PHLDB2: variants seen among roughly 807,000 people sequenced by gnomAD.
PHLDB2 encodes the protein pleckstrin homology like domain family B member 2.
PHLDB2 carries 71 observed loss-of-function variants against 123.6 expected under a neutral mutation model. That is an observed-to-expected ratio of 0.57 (90% CI 0.47 to 0.70). The LOEUF (loss-of-function observed/expected upper bound fraction) is 0.70. PHLDB2 is among the 30% of genes least tolerant of loss of function. PHLDB2 has a pLI of 0.00. For synonymous variants in PHLDB2, 547 were observed against 541.6 expected, an observed-to-expected ratio of 1.01 and a Z score of -0.14; for missense variants, 1,446 against 1,519.5, an observed-to-expected ratio of 0.95 and a Z score of 0.80.
chr3:111,736,936 C>T (rs939087779), intron 1 of PHLDB2, among the ~76,000 whole-genome samples: 1 of 152,152 alleles, frequency 6.6e-6, no homozygotes, highest in Admixed American at 6.5e-5. Flanking sequence ...GCCTAGAGAA[C>T]GGTATACATG....
chr3:111,766,721 T>C (rs1006600293), intron 1 of PHLDB2, among the ~76,000 whole-genome samples: 1 of 152,124 alleles, frequency 6.6e-6, no homozygotes, highest in Non-Finnish European at 1.5e-5. Context: ...GAGGCACTGA[T>C]ATCCTTGTCT....
intron 1 of PHLDB2, among the ~76,000 whole-genome samples, chr3:111,807,954 T>G (rs1024276609): frequency 4.6e-5 from 7 of 151,388 alleles, no homozygotes; most frequent in East Asian, 1.9e-4. Flanking sequence ...GTGTTTTTTT[T>G]TTTTTTTTTT....
upstream of PHLDB2, among the ~76,000 whole-genome samples, chr3:111,855,994 G>A (rs1471738322): frequency 6.6e-6 from 1 of 152,046 alleles, no homozygotes; most frequent in East Asian, 1.9e-4. Flanking sequence ...GGCTGCTATG[G>A]CCTTATGAAA....
At chr3:111,768,981 G>T (rs1256436816) in intron 1 of PHLDB2, among the ~76,000 whole-genome samples, 1 of 152,164 alleles carries the variant, frequency 6.6e-6, no homozygotes, top group Non-Finnish European at 1.5e-5. Flanking sequence ...TTAATTATGG[G>T]CCAATGAAAA....
At chr3:111,779,763 TG>T in intron 1 of PHLDB2, 1 of 735,458 alleles carries the variant, frequency 1.4e-6, no homozygotes, top group South Asian at 6.2e-5. Context: ...TATGTTCTTG[TG>T]GCAGAATGCA....
chr3:111,807,486 G>GT (rs2061642907), intron 1 of PHLDB2, among the ~76,000 whole-genome samples: 1 of 152,208 alleles, frequency 6.6e-6, no homozygotes, highest in South Asian at 2.1e-4. Context: ...GGGAAGCCAA[G>GT]TTGGGAGGAT....
intron 1 of PHLDB2, among the ~76,000 whole-genome samples, chr3:111,842,940 T>C (rs1162184525): frequency 6.6e-6 from 1 of 152,256 alleles, no homozygotes; most frequent in African/African-American, 2.4e-5. Flanking sequence ...AGTACTTTAT[T>C]CCTTTGTATT....
intron 1 of PHLDB2, among the ~76,000 whole-genome samples, chr3:111,815,891 G>A (rs558168009): frequency 2.2e-4 from 33 of 152,272 alleles, no homozygotes; most frequent in African/African-American, 7.5e-4. Flanking sequence ...CAGTTTTGTG[G>A]GTTGGGCCCA....
At chr3:111,899,603 C>T (rs2067072163) in intron 2 of PHLDB2, among the ~76,000 whole-genome samples, 1 of 152,050 alleles carries the variant, frequency 6.6e-6, no homozygotes, top group Admixed American at 6.6e-5. Context: ...TTCTTAAGGG[C>T]CTTGGTATTT....
chr3:111,953,262 C>A (rs1445703021), intron 11 of PHLDB2, among the ~76,000 whole-genome samples: 1 of 152,094 alleles, frequency 6.6e-6, no homozygotes, highest in African/African-American at 2.4e-5. Flanking sequence ...CGACCTGATG[C>A]CCGCCCAAGC....
intron 1 of PHLDB2, among the ~76,000 whole-genome samples, chr3:111,752,982 C>T (rs2059810334): frequency 6.6e-6 from 1 of 152,178 alleles, no homozygotes; most frequent in Non-Finnish European, 1.5e-5. Context: ...ATGAACTCAT[C>T]ATTTTTTTTG....
chr3:111,751,702 G>C (rs1340225477), intron 1 of PHLDB2, among the ~76,000 whole-genome samples: 2 of 130,060 alleles, frequency 1.5e-5, no homozygotes, highest in African/African-American at 2.8e-5. Context: ...CTGGGGGGAG[G>C]GGGGAGGGAT....
chr3:111,932,105 C>T (rs959214105), intron 5 of PHLDB2, among the ~76,000 whole-genome samples, 164 bp from the exon 6 acceptor site: 4 of 152,194 alleles, frequency 2.6e-5, no homozygotes, highest in Admixed American at 2.0e-4. Context: ...TTAACTTCCA[C>T]TTATATCCCT....
At chr3:111,837,335 A>AT (rs1165360602) in intron 1 of PHLDB2, among the ~76,000 whole-genome samples, 1 of 152,186 alleles carries the variant, frequency 6.6e-6, no homozygotes, top group African/African-American at 2.4e-5. Context: ...TTGAAGTTAC[A>AT]TTCATTCCTG....
intron 1 of PHLDB2, among the ~76,000 whole-genome samples, chr3:111,836,358 T>A (rs1176371214): frequency 6.6e-6 from 1 of 152,138 alleles, no homozygotes; most frequent in Non-Finnish European, 1.5e-5. Flanking sequence ...AATTCATGAA[T>A]GCTGGAAAGA....
At chr3:111,887,652 A>T (rs2066253706) in intron 2 of PHLDB2, among the ~76,000 whole-genome samples, 2 of 152,180 alleles carry the variant, frequency 1.3e-5, no homozygotes, top group Admixed American at 6.5e-5. Context: ...TAATACTAGT[A>T]ATATTCCAAA....
chr3:111,911,175 T>C (rs1375475896), intron 2 of PHLDB2, among the ~76,000 whole-genome samples: 2 of 152,220 alleles, frequency 1.3e-5, no homozygotes, highest in East Asian at 1.9e-4. Flanking sequence ...AACAGAAATA[T>C]CTTTCATGCT....
chr3:111,969,973 G>A lies in PHLDB2; in HGVS notation c.3535+64G>A. 3 of 1,502,348 alleles carry A rather than the reference G, an allele frequency of 2.0e-6. No individual in the cohort carries two copies. In the South Asian group the frequency reaches 3.4e-5, roughly 17 times the overall value. 93.1% of individuals were successfully genotyped at this position (1,502,348 alleles called of 1,614,324 possible). ...AAGAACCCCCTGTTAAAGAGCAAAG[G>A]CAATTGAAATTCAGTGTAAATAGGT... On this transcript the variant is annotated intron_variant, in intron 16 of 17. Coordinates refer to ENST00000431670, the MANE Select transcript of PHLDB2 (RefSeq NM_001134438.2).
intron 1 of PHLDB2, among the ~76,000 whole-genome samples, chr3:111,761,605 G>C (rs2059995471): frequency 6.6e-6 from 1 of 152,138 alleles, no homozygotes. Flanking sequence ...TACCCCAGAG[G>C]CCAGTCGTTC....
Sources: allele counts gnomAD v4.1 joint callset (sites outside exome capture counted in the v4.1 genomes callset), GRCh38; gene constraint gnomAD v4.1.1; transcripts MANE v1.5; gene names NCBI Gene and HGNC (gene_info 2026-07-23, HGNC 2026-07-21).